UBA6: variants seen among roughly 807,000 people sequenced by gnomAD.
UBA6 encodes ubiquitin like modifier activating enzyme 6.
Under a neutral mutation model 148.3 loss-of-function variants are expected in UBA6, and 87 were observed. The ratio of observed to expected loss-of-function variants is 0.59; its 90% CI spans 0.49 to 0.70. The LOEUF (loss-of-function observed/expected upper bound fraction) is 0.70, where lower values mean the gene tolerates loss of function less well. Ranked by LOEUF, UBA6 falls within the 30% of genes least tolerant of loss-of-function variation. The pLI, the probability that UBA6 is intolerant of heterozygous loss-of-function variation, is 0.00. For synonymous variants in UBA6, 376 were observed against 401.0 expected, an observed-to-expected ratio of 0.94 and a Z score of 0.75; for missense variants, 1,186 against 1,241.2, an observed-to-expected ratio of 0.96 and a Z score of 0.67.
intron 2 of UBA6, among the ~76,000 whole-genome samples, chr4:67,684,887 T>C (rs1229195958): frequency 6.6e-6 from 1 of 152,230 alleles, no homozygotes; most frequent in Non-Finnish European, 1.5e-5. Context: ...CATTTATTCC[T>C]CACAAAAATA....
At chr4:67,627,373 T>C (rs80217628) in intron 27 of UBA6, among the ~76,000 whole-genome samples, 384 of 152,040 alleles carry the variant, frequency 2.5e-3, no homozygotes, top group African/African-American at 8.8e-3. Flanking sequence ...TGAGCTCCTT[T>C]AGGGAGTTGT....
In UBA6 at chr4:67,682,163, G is replaced by C; in HGVS notation, c.185C>G (p.Ser62Cys). The change falls in exon 3 of 33, where the codon TCC becomes TGC. Residue 62 changes from serine to cysteine, a missense_variant. By Grantham distance (112) the Ser-to-Cys change is moderately radical. Coordinates refer to ENST00000322244, the MANE Select transcript of UBA6 (RefSeq NM_018227.6). ...GDTAMQKMAK[S>C]HVFLSGMGGL... ...ACCCATCCCACTTAAGAAAACATGG[G>C]ACTTGGCCATCTTCTGCATTGCTGT... 1 of 1,613,826 alleles carries C rather than the reference G, an allele frequency of 6.2e-7. No homozygotes were observed. Among genetic ancestry groups the C allele is most frequent in the South Asian group, 1.1e-5 (1 of 91,044 alleles).
At chr4:67,688,083 G>C (rs1730613502) in intron 2 of UBA6, among the ~76,000 whole-genome samples, 1 of 152,174 alleles carries the variant, frequency 6.6e-6, no homozygotes, top group Admixed American at 6.5e-5. Context: ...AAAAGGTTTA[G>C]ATGCTTAAAG....
rs1320447176 is a variant in UBA6, at chr4:67,615,780, C to CAA, written c.*3215_*3216dup. 1 of 201,408 alleles carries CAA rather than the reference C, an allele frequency of 5.0e-6. No homozygotes were observed. Among genetic ancestry groups the CAA allele is most frequent in the Non-Finnish European group, 9.9e-6 (1 of 101,110 alleles). The allele number at this position is 201,408 out of a possible 1,614,324, so 12.5% of individuals were successfully genotyped here. On this transcript the variant is annotated 3_prime_UTR_variant, in exon 33 of 33. Transcript: ENST00000322244. ...AGAATGTATGATTTTAAATAAAACT[C>CAA]AAAAACAAGCAAACTGTATTGTTTA... is the stretch of plus-strand genomic sequence containing the variant.
chr4:67,667,660 T>C (rs1011929568), intron 9 of UBA6, among the ~76,000 whole-genome samples: 3 of 152,226 alleles, frequency 2.0e-5, no homozygotes, highest in African/African-American at 4.8e-5. Context: ...TCCAGTACTT[T>C]GACTCTTTTA....
chr4:67,658,212 A>G (rs1158833041), intron 13 of UBA6, among the ~76,000 whole-genome samples: 1 of 152,214 alleles, frequency 6.6e-6, no homozygotes, highest in Non-Finnish European at 1.5e-5. Flanking sequence ...AAGGATTATA[A>G]ATCATGCTAC....
At chr4:67,696,388 T>C (rs1047440394) in intron 2 of UBA6, among the ~76,000 whole-genome samples, 1 of 151,070 alleles carries the variant, frequency 6.6e-6, no homozygotes, top group South Asian at 2.1e-4. Context: ...ACTCTTTATA[T>C]ATATGTGTGT....
chr4:67,616,011 G>A lies in UBA6; in HGVS notation c.*2986C>T, dbSNP rs1170715834. 1.3e-5 allele frequency: 5 copies of A among 379,498 alleles called. No homozygotes were observed. The highest frequency in any genetic ancestry group is 2.3e-5 in the Non-Finnish European group (5 of 213,718). The allele number at this position is 379,498 out of a possible 1,614,324, so 23.5% of individuals were successfully genotyped here. On this transcript the variant is annotated 3_prime_UTR_variant, in exon 33 of 33. Transcript: ENST00000322244. ...TTGCTTTAAAATTATTCCTTGAACT[G>A]CATATTTATATTTTATGTATTTTTG...
At chr4:67,663,245 T>C in intron 11 of UBA6, 30 bp from the exon 12 acceptor site, 1 of 1,512,782 alleles carries the variant, frequency 6.6e-7, no homozygotes, top group South Asian at 1.2e-5. Context: ...TCGGCCAACA[T>C]TTACTGAGTG....
rs768294176 is a variant in UBA6, at chr4:67,677,708, A to C, written c.368T>G (p.Leu123Arg). The change falls in exon 6 of 33, where the codon CTT becomes CGT. Residue 123 changes from leucine to arginine, a missense_variant. Transcript: ENST00000322244. ...VNKRNRAEAV[L>R]KHIAELNPYV... is the part of the protein sequence containing the mutation. Reference sequence around the variant, plus strand: ...TGGATTTAGTTCTGCAATATGTTTAAGTACAGCTTCAGCCCTAAAAAAATA... The same window carrying C: ...TGGATTTAGTTCTGCAATATGTTTACGTACAGCTTCAGCCCTAAAAAAATA... 6.3e-7 allele frequency: 1 copy of C among 1,583,742 alleles called. No homozygotes were observed. The highest frequency in any genetic ancestry group is 8.6e-7 in the Non-Finnish European group (1 of 1,158,768).
chr4:67,645,916 T>A, intron 16 of UBA6, 22 bp downstream of exon 16: 1 of 1,465,582 alleles, frequency 6.8e-7, no homozygotes, highest in Non-Finnish European at 9.4e-7. Context: ...AACATACTAT[T>A]CCCATGATTA....
At chr4:67,638,031 AG>A (rs1421293316) in intron 19 of UBA6, 1 of 152,370 alleles carries the variant, frequency 6.6e-6, no homozygotes, top group Non-Finnish European at 1.5e-5. Flanking sequence ...AAGAGTAGAT[AG>A]GTAGATTAGA....
intron 12 of UBA6, 107 bp downstream of exon 12, chr4:67,663,032 C>T (rs1729902813): frequency 2.9e-6 from 2 of 699,220 alleles, no homozygotes; most frequent in Non-Finnish European, 4.7e-6. Flanking sequence ...CTTGGTATAT[C>T]TATTGGTATT....
rs547819714 is a variant in UBA6, at chr4:67,635,314, A to G, written c.1842+139T>C. The G allele has an allele frequency of 1.4e-5, 7 of 485,982 alleles. No individual in the cohort carries two copies. The South Asian group carries it at 2.8e-4, about 20-fold the overall frequency. The allele number at this position is 485,982 out of a possible 1,614,324, so 30.1% of individuals were successfully genotyped here. ...AAAAAAAGTTCAATTATATTTTAAAAAATGTACATGCACATATGTATGAAC... is the reference window on the plus strand; with the variant it reads ...AAAAAAAGTTCAATTATATTTTAAAGAATGTACATGCACATATGTATGAAC... On this transcript the variant is annotated intron_variant, in intron 20 of 32. Transcript: ENST00000322244.
At chr4:67,625,316 G>A in intron 28 of UBA6, 129 bp from the exon 29 acceptor site, 2 of 668,794 alleles carry the variant, frequency 3.0e-6, no homozygotes, top group South Asian at 4.6e-5. Context: ...AGAAACATAA[G>A]AAAAATTCAG....
At position 67,665,419 on chromosome 4, in the gene UBA6, T is replaced by TTTTG. The variant is rs776735218; in HGVS notation, c.794-131_794-128dup. 551 of 536,990 alleles carry TTTTG rather than the reference T, an allele frequency of 1.0e-3. 8 individuals carry two copies. The highest frequency in any genetic ancestry group is 2.7e-3 in the South Asian group (87 of 32,168). 33.3% of individuals were successfully genotyped at this position (536,990 alleles called of 1,614,324 possible). On this transcript the variant is annotated intron_variant, in intron 9 of 32. Transcript: ENST00000322244. ...TAAAGAATTCCAGCATAGTGTTTTT[T>TTTTG]TTTGTTTGTTTGTTTTTTTTTTTTT...
intron 27 of UBA6, among the ~76,000 whole-genome samples, chr4:67,628,096 T>C (rs1728912455): frequency 6.6e-6 from 1 of 151,808 alleles, no homozygotes; most frequent in South Asian, 2.1e-4. Context: ...TAGGATACAT[T>C]AAGCAGATTA....
chr4:67,635,130 TTA>T (rs1297786929), intron 20 of UBA6, among the ~76,000 whole-genome samples: 2 of 152,146 alleles, frequency 1.3e-5, no homozygotes, highest in Non-Finnish European at 2.9e-5. Flanking sequence ...GAATAAAATT[TTA>T]TGTCTTTGTT....
rs764771423 is a variant in UBA6, at chr4:67,634,474, G to A, written c.1887C>T (p.Ser629=). The change falls in exon 21 of 33, where the codon TCC becomes TCT. Residue 629 remains serine, a synonymous_variant. Coordinates refer to ENST00000322244, the MANE Select transcript of UBA6 (RefSeq NM_018227.6). ...TGGTATGTTCAATAGCAGCTGGAAA[G>A]GATTTTAGAGTACAAAATGGTATTT... The part of the protein sequence containing the change: ...EEEIPFCTLK[S]FPAAIEHTIQ... 1.3e-6 allele frequency: 2 copies of A among 1,587,438 alleles called. No individual in the cohort carries two copies. Among genetic ancestry groups the A allele is most frequent in the Non-Finnish European group, 8.5e-7 (1 of 1,172,736 alleles).
Sources: allele counts gnomAD v4.1 joint callset (sites outside exome capture counted in the v4.1 genomes callset), GRCh38; gene constraint gnomAD v4.1.1; transcripts MANE v1.5; gene names NCBI Gene and HGNC (gene_info 2026-07-23, HGNC 2026-07-21).